Variants in SPECC1L observed in about 807,000 individuals in gnomAD.
The protein encoded by SPECC1L is cytospin-A.
Under a neutral mutation model 116.8 loss-of-function variants are expected in SPECC1L, and 40 were observed. The observed-to-expected ratio is 0.34, with a 90% CI of 0.27 to 0.45. The LOEUF (loss-of-function observed/expected upper bound fraction) is 0.45. Ranked by LOEUF, SPECC1L falls within the 20% of genes least tolerant of loss-of-function variation. The pLI, the probability that SPECC1L is intolerant of heterozygous loss-of-function variation, is 1.00. For synonymous variants in SPECC1L, 504 were observed against 500.6 expected, an observed-to-expected ratio of 1.01 and a Z score of -0.09; for missense variants, 1,110 against 1,373.6, an observed-to-expected ratio of 0.81 and a Z score of 3.03.
chr22:24,372,942 T>C (rs1028873370), intron 14 of SPECC1L, among the ~76,000 whole-genome samples: 1 of 152,156 alleles, frequency 6.6e-6, no homozygotes, highest in Non-Finnish European at 1.5e-5. Flanking sequence ...GGATACAAAA[T>C]CAATGTGCAA....
intron 14 of SPECC1L, among the ~76,000 whole-genome samples, chr22:24,389,109 A>ATTAT (rs2042217266): frequency 3.0e-5 from 3 of 99,954 alleles, no homozygotes; most frequent in African/African-American, 1.2e-4. Context: ...TCTATAACTG[A>ATTAT]TTTTTTTTTT....
At chr22:24,334,811 C>A (rs765859802) in intron 9 of SPECC1L, among the ~76,000 whole-genome samples, 8 of 152,210 alleles carry the variant, frequency 5.3e-5, no homozygotes, top group Non-Finnish European at 7.3e-5. Flanking sequence ...TGTGTCTTCT[C>A]ACCCTCGGTG....
At chr22:24,317,030 G>A (rs1601542461) in intron 4 of SPECC1L, among the ~76,000 whole-genome samples, 1 of 122,106 alleles carries the variant, frequency 8.2e-6, no homozygotes, top group Non-Finnish European at 1.9e-5. Context: ...CTGGCCGGGC[G>A]GGGGGCTGAC....
chr22:24,407,625 G>C lies in SPECC1L; in HGVS notation c.3088-3963G>C, dbSNP rs62233998. ...CAGGCGTTGCCATTGGCCTCACACA[G>C]AGCTCCACACGTTATTAAGAAGCTT... On this transcript the variant is annotated intron_variant, in intron 14 of 16. Coordinates refer to ENST00000314328, the MANE Select transcript of SPECC1L (RefSeq NM_015330.6). Among the ~76,000 whole-genome samples the C allele has an allele frequency of 7.4e-3, 1,127 of 152,298 alleles. 6 individuals carry two copies. The highest frequency in any genetic ancestry group is 0.013 in the South Asian group (61 of 4,822).
intron 9 of SPECC1L, among the ~76,000 whole-genome samples, chr22:24,335,424 G>T (rs1300662114): frequency 2.0e-5 from 3 of 152,124 alleles, no homozygotes; most frequent in Admixed American, 6.5e-5. Context: ...AGCACTTCAG[G>T]TTCTGAATCA....
chr22:24,307,189 C>G (rs1427821795), intron 3 of SPECC1L, among the ~76,000 whole-genome samples: 2 of 152,204 alleles, frequency 1.3e-5, no homozygotes, highest in African/African-American at 2.4e-5. Flanking sequence ...ATTGCTACAT[C>G]ATATGGCAAG....
In SPECC1L at chr22:24,270,975, T is replaced by C. The variant is rs2048708976; in HGVS notation, c.-150T>C. The C allele has an allele frequency of 6.6e-6, 1 of 152,284 alleles. No individual in the cohort carries two copies. The highest frequency in any genetic ancestry group is 6.5e-5 in the Admixed American group (1 of 15,288). 9.4% of individuals were successfully genotyped at this position (152,284 alleles called of 1,614,324 possible). ...AGGAGATTGCGAGGGAGCGATGCGG[T>C]GCAGCGCGGTAAGAGCAGCAGCCGG... On this transcript the variant is annotated 5_prime_UTR_variant, in exon 1 of 17. Transcript: ENST00000314328.
chr22:24,334,721 T>C (rs2041016145), intron 9 of SPECC1L, 148 bp downstream of exon 9: 4 of 879,624 alleles, frequency 4.5e-6, no homozygotes, highest in Non-Finnish European at 7.3e-6. Context: ...TAACAGAAGG[T>C]GATATTTAAT....
At chr22:24,407,134 C>T (rs2042607715) in intron 14 of SPECC1L, among the ~76,000 whole-genome samples, 1 of 152,232 alleles carries the variant, frequency 6.6e-6, no homozygotes, top group Admixed American at 6.5e-5. Flanking sequence ...GGCCTGGCTG[C>T]TCTCCAAACC....
intron 14 of SPECC1L, among the ~76,000 whole-genome samples, chr22:24,403,884 G>T (rs563985592): frequency 1.9e-4 from 29 of 152,336 alleles, no homozygotes; most frequent in African/African-American, 7.0e-4. Context: ...AGCAGCTGAG[G>T]CAGGAGGAAC....
chr22:24,292,644 C>T (rs1012434796), intron 2 of SPECC1L, among the ~76,000 whole-genome samples: 4 of 152,134 alleles, frequency 2.6e-5, no homozygotes, highest in South Asian at 2.1e-4. Flanking sequence ...ATGGGAGACC[C>T]GGAAGGAGAT....
chr22:24,368,104 T>C (rs2041806905), intron 13 of SPECC1L, among the ~76,000 whole-genome samples: 1 of 152,218 alleles, frequency 6.6e-6, no homozygotes, highest in South Asian at 2.1e-4. Context: ...AGGTCTGGCC[T>C]AAGGCAGGAT....
chr22:24,368,819 A>G (rs1674193029), intron 13 of SPECC1L, among the ~76,000 whole-genome samples: 2 of 152,156 alleles, frequency 1.3e-5, no homozygotes, highest in South Asian at 2.1e-4. Flanking sequence ...GCTAATTTTT[A>G]TATTTTTATT....
chr22:24,358,985 A>G (rs924291526), intron 11 of SPECC1L, among the ~76,000 whole-genome samples: 1 of 152,174 alleles, frequency 6.6e-6, no homozygotes, highest in African/African-American at 2.4e-5. Context: ...ACTTTGTCAG[A>G]TGCTGTTAAC....
intron 2 of SPECC1L, among the ~76,000 whole-genome samples, chr22:24,289,584 G>C (rs1187128141): frequency 6.6e-6 from 1 of 152,166 alleles, no homozygotes; most frequent in East Asian, 1.9e-4. Flanking sequence ...AAGCCTCATA[G>C]AATAATAGAA....
intron 4 of SPECC1L, among the ~76,000 whole-genome samples, chr22:24,318,021 G>A (rs1337110208): frequency 1.3e-5 from 2 of 149,286 alleles, no homozygotes; most frequent in Non-Finnish European, 3.0e-5. Context: ...GGGCAGAGAC[G>A]CTCCTCACTT....
chr22:24,382,704 CAAAAAAAAA>C (rs34174849), intron 14 of SPECC1L, among the ~76,000 whole-genome samples: 29 of 59,650 alleles, frequency 4.9e-4, no homozygotes, highest in African/African-American at 1.7e-3. Context: ...GACTCCATCT[CAAAAAAAAA>C]AAAAAAAAAA....
chr22:24,402,083 C>T (rs1415332211), intron 14 of SPECC1L, among the ~76,000 whole-genome samples: 2 of 150,080 alleles, frequency 1.3e-5, no homozygotes, highest in Non-Finnish European at 3.0e-5. Flanking sequence ...CAAGACTCTC[C>T]CTGAAAATGT....
intron 6 of SPECC1L, among the ~76,000 whole-genome samples, chr22:24,326,023 G>A (rs1210404673): frequency 6.6e-6 from 1 of 151,990 alleles, no homozygotes. Flanking sequence ...GTACCATCTT[G>A]GCTCACTGCA....
Sources: allele counts gnomAD v4.1 joint callset (sites outside exome capture counted in the v4.1 genomes callset), GRCh38; gene constraint gnomAD v4.1.1; transcripts MANE v1.5; gene names NCBI Gene and HGNC (gene_info 2026-07-23, HGNC 2026-07-21).